The following VSTM2B variants were observed in gnomAD, a reference collection of about 807,000 sequenced individuals.
VSTM2B encodes V-set and transmembrane domain-containing protein 2B.
A neutral mutation model predicts 24.0 loss-of-function variants in VSTM2B; 24 were observed. The ratio of observed to expected loss-of-function variants is 1.00; its 90% CI spans 0.72 to 1.40. The LOEUF (loss-of-function observed/expected upper bound fraction) is 1.40, where lower values mean the gene tolerates loss of function less well. VSTM2B is among the 40% of genes most tolerant of loss of function. The probability of loss-of-function intolerance (pLI) is 0.00; values close to 1 mark genes in which losing one functional copy is unlikely to be tolerated. For missense variants in VSTM2B, 399 were observed against 416.4 expected (o/e 0.96, Z 0.36); for synonymous variants, 226 against 194.4 (o/e 1.16, Z -1.35).
At chr19:29,533,579 C>G (rs777505506) in intron 4 of VSTM2B, among the ~76,000 whole-genome samples, 3 of 152,218 alleles carry the variant, frequency 2.0e-5, no homozygotes, top group Non-Finnish European at 2.9e-5. Context: ...CTCTATGTCC[C>G]ACTCTGGGCA....
chr19:29,530,359 C>CG, intron 4 of VSTM2B, 69 bp downstream of exon 4: 13 of 1,345,208 alleles, frequency 9.7e-6, no homozygotes, highest in Non-Finnish European at 1.2e-5. Flanking sequence ...CGGGACGCCC[C>CG]GGGGGGCTCC....
At chr19:29,542,650 A>G (rs908150487) in intron 4 of VSTM2B, among the ~76,000 whole-genome samples, 1 of 152,018 alleles carries the variant, frequency 6.6e-6, no homozygotes, top group Non-Finnish European at 1.5e-5. Context: ...TAAATAGCTG[A>G]CGCATAGGTG....
chr19:29,544,298 A>G (rs947551442), intron 4 of VSTM2B, among the ~76,000 whole-genome samples: 2 of 151,688 alleles, frequency 1.3e-5, no homozygotes, highest in Non-Finnish European at 2.9e-5. Context: ...AGGCCGAGGC[A>G]GGCGGATCAC....
chr19:29,538,286 C>T lies in VSTM2B; in HGVS notation c.769+7996C>T, dbSNP rs146248905. Reference sequence around the variant, plus strand: ...TCATCTGTTATCATCAGCACGACACCGATTCCTATGCCAGAGAGTGGTTGG... The same window carrying T: ...TCATCTGTTATCATCAGCACGACACTGATTCCTATGCCAGAGAGTGGTTGG... On this transcript the variant is annotated intron_variant, in intron 4 of 4. Transcript: ENST00000335523. Among the ~76,000 whole-genome samples the T allele has an allele frequency of 4.2e-3, 646 of 152,278 alleles. 5 individuals are homozygous for T. Among genetic ancestry groups the T allele is most frequent in the African/African-American group, 0.014 (600 of 41,548 alleles).
rs1555747222 is a variant in VSTM2B at position 29,526,545 on chromosome 19, G to T, written c.-39G>T. 8 of 1,477,950 alleles carry T rather than the reference G, an allele frequency of 5.4e-6. No individual in the cohort carries two copies. Among genetic ancestry groups the T allele is most frequent in the South Asian group, 1.3e-5 (1 of 79,210 alleles). 91.6% of individuals were successfully genotyped at this position (1,477,950 alleles called of 1,614,324 possible). ...GAGCCCACGCGGCCGCCGCCTCTCC[G>T]CTCCCGGGCCCCCGCCGCCACCGCG... is the stretch of plus-strand genomic sequence containing the variant. On this transcript the variant is annotated 5_prime_UTR_variant, in exon 1 of 5. Transcript: ENST00000335523. This position sits in a 1 kb window ranked among gnomAD's most constrained non-coding sequence, Gnocchi z 4.1.
intron 4 of VSTM2B, among the ~76,000 whole-genome samples, chr19:29,552,514 T>A (rs1272522018): frequency 6.6e-6 from 1 of 152,166 alleles, no homozygotes; most frequent in Non-Finnish European, 1.5e-5. Flanking sequence ...CAGTGAGTGA[T>A]CATGCTACCT....
At chr19:29,544,999 G>A (rs776668295) in intron 4 of VSTM2B, among the ~76,000 whole-genome samples, 26 of 152,180 alleles carry the variant, frequency 1.7e-4, no homozygotes, top group Admixed American at 3.3e-4. Flanking sequence ...GAGAAGACAG[G>A]GGTCAGACAG....
At position 29,527,145 on chromosome 19, in the gene VSTM2B, G is replaced by T. The variant is rs4804888; in HGVS notation, c.83-66G>T. 394,953 of 1,408,186 alleles carry T rather than the reference G, an allele frequency of 0.28. 59,426 individuals carry two copies. Among genetic ancestry groups the T allele is most frequent in the South Asian group, 0.31 (23,458 of 75,156 alleles). The allele number at this position is 1,408,186 out of a possible 1,614,324, so 87.2% of individuals were successfully genotyped here. ...CAGCCAGCCAGAGACCGACTGCCTC[G>T]CTTTAGGTTGCCCCAGGCCCCCGAC... is the stretch of plus-strand genomic sequence containing the variant. On this transcript the variant is annotated intron_variant, in intron 1 of 4. Transcript: ENST00000335523.
At chr19:29,553,346 A>G (rs907772294) in intron 4 of VSTM2B, among the ~76,000 whole-genome samples, 1 of 152,258 alleles carries the variant, frequency 6.6e-6, no homozygotes, top group Non-Finnish European at 1.5e-5. Context: ...AGCAAACCAC[A>G]GAAGCCCTAC....
intron 3 of VSTM2B, chr19:29,529,095 A>G (rs1449518474): frequency 1.0e-5 from 10 of 985,272 alleles, no homozygotes; most frequent in Non-Finnish European, 1.2e-6. Context: ...CTCGGTTCAG[A>G]GGTGAGGGCT....
chr19:29,553,834 A>T (rs1211135281), intron 4 of VSTM2B, among the ~76,000 whole-genome samples: 1 of 152,232 alleles, frequency 6.6e-6, no homozygotes, highest in Non-Finnish European at 1.5e-5. Context: ...GAGCTTGAAG[A>T]CTATCTCACT....
intron 4 of VSTM2B, among the ~76,000 whole-genome samples, chr19:29,562,037 G>T (rs1568449375): frequency 6.6e-6 from 1 of 152,194 alleles, no homozygotes; most frequent in Admixed American, 6.5e-5. Flanking sequence ...TTCTCAGCCG[G>T]GGCCCAGAAC....
At chr19:29,556,035 G>T (rs1017615860) in intron 4 of VSTM2B, among the ~76,000 whole-genome samples, 1 of 151,870 alleles carries the variant, frequency 6.6e-6, no homozygotes, top group East Asian at 1.9e-4. Context: ...TGAAAAGGAG[G>T]GACTTCTCCC....
chr19:29,552,749 G>A (rs1332410590), intron 4 of VSTM2B, among the ~76,000 whole-genome samples: 1 of 152,226 alleles, frequency 6.6e-6, no homozygotes, highest in Non-Finnish European at 1.5e-5. Flanking sequence ...CATCACTGCA[G>A]TTCCAGTCTG....
At chr19:29,550,609 C>T (rs1970256810) in intron 4 of VSTM2B, among the ~76,000 whole-genome samples, 1 of 152,090 alleles carries the variant, frequency 6.6e-6, no homozygotes, top group Non-Finnish European at 1.5e-5. Flanking sequence ...CAATGTCTTC[C>T]CTTGAACTAG....
rs1054035835 is a variant in VSTM2B at position 29,526,117 on chromosome 19, A to G, written c.-467A>G. ...GCCCTGCGGAAAGAGCCGCGGAGGA[A>G]CCGGCGGGGGCGGCTGCGGGAGCCG... On this transcript the variant is annotated 5_prime_UTR_variant, in exon 1 of 5. Transcript: ENST00000335523. This position sits in a 1 kb window ranked among gnomAD's most constrained non-coding sequence, Gnocchi z 4.1. Among the ~76,000 whole-genome samples the G allele has an allele frequency of 3.7e-4, 56 of 151,636 alleles. No individual in the cohort carries two copies. The highest frequency in any genetic ancestry group is 7.5e-4 in the Non-Finnish European group (51 of 67,784).
chr19:29,558,298 G>A (rs1052735110), intron 4 of VSTM2B, among the ~76,000 whole-genome samples: 19 of 152,202 alleles, frequency 1.2e-4, no homozygotes, highest in Non-Finnish European at 1.9e-4. Flanking sequence ...GGGAAACAGT[G>A]TGGTGATTCC....
chr19:29,550,646 G>A (rs730427), intron 4 of VSTM2B, among the ~76,000 whole-genome samples: 95,283 of 151,864 alleles, frequency 0.63, 30,970 homozygotes, highest in African/African-American at 0.78. Context: ...GCCTGTACTC[G>A]GTGTGTGAAT....
chr19:29,527,085 G>C, intron 1 of VSTM2B, 126 bp from the exon 2 acceptor site: 1 of 855,290 alleles, frequency 1.2e-6, no homozygotes, highest in South Asian at 1.8e-5. Context: ...CCGGCCGTGC[G>C]CCAGGGAGCA....
Sources: allele counts gnomAD v4.1 joint callset (sites outside exome capture counted in the v4.1 genomes callset), GRCh38; gene constraint gnomAD v4.1.1; non-coding constraint Gnocchi (gnomAD v3.1); transcripts MANE v1.5; gene names NCBI Gene and HGNC (gene_info 2026-07-23, HGNC 2026-07-21).